ATXN1: variants seen among roughly 807,000 people sequenced by gnomAD.
ATXN1 encodes the protein ataxin-1.
Under a neutral mutation model 56.4 loss-of-function variants are expected in ATXN1, and 8 were observed. That is an observed-to-expected ratio of 0.14 (90% CI 0.08 to 0.26). The LOEUF is 0.26. Ranked by LOEUF, ATXN1 falls within the 10% of genes least tolerant of loss-of-function variation. The pLI, the probability that ATXN1 is intolerant of heterozygous loss-of-function variation, is 1.00. For missense variants in ATXN1, 987 were observed against 1,106.5 expected, an observed-to-expected ratio of 0.89 and a Z score of 1.53; for synonymous variants, 514 against 494.6, an observed-to-expected ratio of 1.04 and a Z score of -0.52.
chr6:16,637,449 A>G (rs546662304), intron 3 of ATXN1, among the ~76,000 whole-genome samples: 1 of 152,142 alleles, frequency 6.6e-6, no homozygotes, highest in African/African-American at 2.4e-5. Flanking sequence ...TACATATGTA[A>G]CAAACCTGCA....
At chr6:16,498,649 C>T (rs1224043960) in intron 5 of ATXN1, among the ~76,000 whole-genome samples, 1 of 152,194 alleles carries the variant, frequency 6.6e-6, no homozygotes, top group East Asian at 1.9e-4. Context: ...CTTGCCAACA[C>T]TTGTTATTTT....
intron 2 of ATXN1, among the ~76,000 whole-genome samples, chr6:16,674,112 C>T (rs1038738634): frequency 3.3e-5 from 5 of 152,112 alleles, no homozygotes; most frequent in Non-Finnish European, 7.3e-5. Context: ...CCCAAGGATT[C>T]AGTCTGTTTG....
chr6:16,491,913 G>T (rs563546527), intron 5 of ATXN1, among the ~76,000 whole-genome samples: 2 of 152,242 alleles, frequency 1.3e-5, no homozygotes, highest in South Asian at 4.1e-4. Context: ...GGAACTGAAG[G>T]TGAATGCCAG....
chr6:16,577,908 T>C (rs560161885), intron 4 of ATXN1, among the ~76,000 whole-genome samples: 3 of 152,364 alleles, frequency 2.0e-5, no homozygotes, highest in South Asian at 4.1e-4. Flanking sequence ...TTATAATTAT[T>C]TCTATTTTAT....
intron 3 of ATXN1, among the ~76,000 whole-genome samples, chr6:16,637,379 G>A (rs1235533074): frequency 6.6e-6 from 1 of 151,474 alleles, no homozygotes. Context: ...AAAGCTTTAG[G>A]AGATATACCT....
intron 6 of ATXN1, among the ~76,000 whole-genome samples, chr6:16,350,069 A>C (rs1761534502): frequency 6.6e-6 from 1 of 152,248 alleles, no homozygotes; most frequent in Non-Finnish European, 1.5e-5. Flanking sequence ...TTCCCAATGA[A>C]AGATAAATAA....
chr6:16,414,201 G>C (rs1183803763), intron 6 of ATXN1, among the ~76,000 whole-genome samples: 1 of 152,184 alleles, frequency 6.6e-6, no homozygotes, highest in East Asian at 1.9e-4. Flanking sequence ...TACAGGAACG[G>C]ATTTCTGCTC....
chr6:16,340,625 C>G lies in ATXN1; in HGVS notation c.-160-12155G>C, dbSNP rs186526141. Among the ~76,000 whole-genome samples the G allele has an allele frequency of 6.3e-4, 96 of 152,358 alleles. 1 individual carries two copies. Among genetic ancestry groups the G allele is most frequent in the Admixed American group, 5.9e-3 (90 of 15,304 alleles). On this transcript the variant is annotated intron_variant, in intron 6 of 7. Coordinates refer to ENST00000436367, the MANE Select transcript of ATXN1 (RefSeq NM_001128164.2). Reference sequence around the variant, plus strand: ...AACGGAGGGTGGTCTGGGAAACCCCCTGAACTTGCAATTCGTGGTGCAGGC... The same window carrying G: ...AACGGAGGGTGGTCTGGGAAACCCCGTGAACTTGCAATTCGTGGTGCAGGC...
chr6:16,490,626 A>G (rs1019036203), intron 5 of ATXN1, among the ~76,000 whole-genome samples: 1 of 152,188 alleles, frequency 6.6e-6, no homozygotes, highest in African/African-American at 2.4e-5. Flanking sequence ...ACAGTTCACT[A>G]GTAATAGTTC....
rs1171252725 is a variant in ATXN1, at chr6:16,309,244, AAAT to A, written c.1918-2388_1918-2386del. On this transcript the variant is annotated intron_variant, in intron 7 of 7. Coordinates refer to ENST00000436367, the MANE Select transcript of ATXN1 (RefSeq NM_001128164.2). ...CTCTGTCTCTAAAAAAAAAAAAAAT[AAAT>A]AATAATAATAATAATAATTAATTAA... 3.2e-3 allele frequency among the ~76,000 whole-genome samples: 476 copies of A among 148,064 alleles called. 2 individuals are homozygous for A. The highest frequency in any genetic ancestry group is 7.2e-3 in the Admixed American group (107 of 14,858).
At chr6:16,743,568 G>A (rs1052739973) in intron 2 of ATXN1, among the ~76,000 whole-genome samples, 7 of 152,358 alleles carry the variant, frequency 4.6e-5, no homozygotes, top group African/African-American at 1.7e-4. Flanking sequence ...CCATTCACTA[G>A]ATGCCACATA....
chr6:16,611,109 A>G (rs1352882551), intron 3 of ATXN1, among the ~76,000 whole-genome samples: 1 of 152,334 alleles, frequency 6.6e-6, no homozygotes, highest in African/African-American at 2.4e-5. Flanking sequence ...ACAGATATAG[A>G]TAATCCTTAT....
intron 4 of ATXN1, among the ~76,000 whole-genome samples, chr6:16,532,034 T>C (rs1287585597): frequency 6.6e-6 from 1 of 152,220 alleles, no homozygotes; most frequent in Non-Finnish European, 1.5e-5. Flanking sequence ...AACTACTCAA[T>C]CTGTCATTGT....
At chr6:16,715,586 G>A (rs565768876) in intron 2 of ATXN1, among the ~76,000 whole-genome samples, 1 of 152,212 alleles carries the variant, frequency 6.6e-6, no homozygotes, top group South Asian at 2.1e-4. Flanking sequence ...ATGAATTCTG[G>A]CTAATGACTT....
intron 6 of ATXN1, among the ~76,000 whole-genome samples, chr6:16,429,377 T>TA (rs3072200): frequency 0.33 from 43,425 of 133,024 alleles, 7,667 homozygotes; most frequent in Non-Finnish European, 0.38. Context: ...CTTTTAGCAT[T>TA]AAAAAAAAAA....
intron 7 of ATXN1, among the ~76,000 whole-genome samples, chr6:16,324,213 G>A (rs1001373731): frequency 3.3e-5 from 5 of 152,102 alleles, no homozygotes; most frequent in African/African-American, 1.2e-4. Flanking sequence ...AGGCCGAGGT[G>A]GAAGGACTGC....
chr6:16,465,833 T>A (rs1416112713), intron 6 of ATXN1, among the ~76,000 whole-genome samples: 1 of 152,042 alleles, frequency 6.6e-6, no homozygotes, highest in Admixed American at 6.6e-5. Context: ...CCAAGAGGTG[T>A]CTCTGCTAAG....
intron 2 of ATXN1, among the ~76,000 whole-genome samples, chr6:16,698,650 T>TAAA (rs11311429): frequency 2.2e-4 from 30 of 135,386 alleles, no homozygotes; most frequent in South Asian, 7.1e-4. Context: ...CCTCAAAAAT[T>TAAA]AAAAAAAAAA....
chr6:16,537,806 T>TA (rs1434673641), intron 4 of ATXN1, among the ~76,000 whole-genome samples: 2 of 151,092 alleles, frequency 1.3e-5, no homozygotes, highest in Non-Finnish European at 3.0e-5. Flanking sequence ...ATTTGGAAGC[T>TA]AAAAAAGGTG....
Sources: gnomAD v4.1 joint callset for allele counts (sites outside exome capture counted in the v4.1 genomes callset) on GRCh38, gnomAD v4.1.1 for gene constraint, MANE v1.5 for transcripts, NCBI Gene and HGNC (gene_info 2026-07-23, HGNC 2026-07-21) for gene names.